Variants in GLRB observed in about 807,000 individuals in gnomAD.
The protein encoded by GLRB is glycine receptor subunit beta.
GLRB carries 33 observed loss-of-function variants against 54.2 expected under a neutral mutation model. The observed-to-expected ratio is 0.61, with a 90% CI of 0.46 to 0.81. GLRB has a LOEUF of 0.81. Ranked by LOEUF, GLRB falls within the 40% of genes least tolerant of loss-of-function variation. The pLI, the probability that GLRB is intolerant of heterozygous loss-of-function variation, is 0.00. For missense variants in GLRB, 572 were observed against 584.6 expected (o/e 0.98, Z 0.22); for synonymous variants, 209 against 208.2 (o/e 1.00, Z -0.03).
chr4:157,110,280 A>G (rs1368133545), intron 2 of GLRB, among the ~76,000 whole-genome samples: 2 of 151,878 alleles, frequency 1.3e-5, no homozygotes, highest in Non-Finnish European at 2.9e-5. Flanking sequence ...AAATATATAT[A>G]TATCTTATTA....
chr4:157,114,330 T>A (rs1037129755), intron 2 of GLRB, among the ~76,000 whole-genome samples: 2 of 149,946 alleles, frequency 1.3e-5, no homozygotes, highest in South Asian at 4.1e-4. Flanking sequence ...TCCTGGTCTC[T>A]CTCTCTCTTT....
At chr4:157,101,957 C>T (rs1186213379) in intron 2 of GLRB, among the ~76,000 whole-genome samples, 1 of 152,054 alleles carries the variant, frequency 6.6e-6, no homozygotes, top group Non-Finnish European at 1.5e-5. Context: ...TGTCATGTGC[C>T]AGATTCTCCT....
chr4:157,146,467 T>C (rs371022559), intron 8 of GLRB, among the ~76,000 whole-genome samples: 55 of 152,200 alleles, frequency 3.6e-4, no homozygotes, highest in Middle Eastern at 3.4e-3. Context: ...TAGGAGACAA[T>C]TGCAATAATT....
At chr4:157,166,057 G>A (rs1231789772) in intron 9 of GLRB, among the ~76,000 whole-genome samples, 1 of 151,954 alleles carries the variant, frequency 6.6e-6, no homozygotes. Context: ...AATTTGTGTG[G>A]AATGAAACTT....
intron 8 of GLRB, among the ~76,000 whole-genome samples, chr4:157,146,326 T>G (rs182013089): frequency 6.6e-6 from 1 of 152,232 alleles, no homozygotes; most frequent in Admixed American, 6.5e-5. Flanking sequence ...ATTTTAGTTT[T>G]TATTCAGCAT....
rs753845776 is a variant in GLRB, at chr4:157,143,769, T to A, written c.752-38T>A. 4 of 1,595,818 alleles carry A rather than the reference T, an allele frequency of 2.5e-6. No individual in the cohort carries two copies. In the East Asian group the frequency reaches 9.0e-5, roughly 36 times the overall value. On this transcript the variant is annotated intron_variant, in intron 7 of 9. Transcript: ENST00000264428. ...ATTGATGTTTGCCATTCTGTGTGGG[T>A]GAAAACCTCATGCCTTGAATGTGTT... is the stretch of plus-strand genomic sequence containing the variant.
At chr4:157,146,031 T>A (rs909110548) in intron 8 of GLRB, among the ~76,000 whole-genome samples, 1 of 151,958 alleles carries the variant, frequency 6.6e-6, no homozygotes, top group African/African-American at 2.4e-5. Flanking sequence ...GAGCTTTTTT[T>A]TTTTTGATGG....
intron 4 of GLRB, among the ~76,000 whole-genome samples, chr4:157,132,740 G>A (rs1328643759): frequency 6.6e-6 from 1 of 151,860 alleles, no homozygotes; most frequent in African/African-American, 2.4e-5. Flanking sequence ...ATGAATAACT[G>A]TTGAATTAAT....
rs78901663 is a variant in GLRB, at chr4:157,147,467, G to C, written c.904+3508G>C. Among the ~76,000 whole-genome samples the C allele has an allele frequency of 3.1e-5, 4 of 130,432 alleles. No individual in the cohort carries two copies. The South Asian group carries it at 8.3e-4, about 27-fold the overall frequency. 85.6% of individuals were successfully genotyped at this position (130,432 alleles called of 152,430 possible). On this transcript the variant is annotated intron_variant, in intron 8 of 9. Transcript: ENST00000264428. ...GGACTGGCTTCAGGAAAGAAGATGAGGGGGGGATTGGAGATATTTAGTATA... is the reference window on the plus strand; with the variant it reads ...GGACTGGCTTCAGGAAAGAAGATGACGGGGGGATTGGAGATATTTAGTATA...
At chr4:157,118,884 G>A (rs1735701616) in intron 2 of GLRB, among the ~76,000 whole-genome samples, 1 of 151,514 alleles carries the variant, frequency 6.6e-6, no homozygotes, top group Admixed American at 6.6e-5. Context: ...GCTGTGCTAG[G>A]TGCTTCAAGT....
intron 2 of GLRB, among the ~76,000 whole-genome samples, chr4:157,109,648 A>G (rs1735345903): frequency 6.6e-6 from 1 of 151,922 alleles, no homozygotes; most frequent in Admixed American, 6.6e-5. Context: ...ACTGCCCCAC[A>G]CTTCAGATGC....
chr4:157,079,197 A>G (rs545095459), intron 2 of GLRB, among the ~76,000 whole-genome samples: 1 of 152,292 alleles, frequency 6.6e-6, no homozygotes, highest in East Asian at 1.9e-4. Context: ...ATAATGCAAT[A>G]TATGCAGTGA....
chr4:157,081,583 A>T, intron 2 of GLRB, among the ~76,000 whole-genome samples: 1 of 152,144 alleles, frequency 6.6e-6, no homozygotes, highest in East Asian at 1.9e-4. Flanking sequence ...ACCTTAGACC[A>T]TCTCTTTCTA....
rs1190713827 is a variant in GLRB, at chr4:157,136,534, T to A, written c.363T>A (p.Asp121Glu). ...ACCCCAGGCTGAAGCTCCCCAGTGA[T>A]TTTAGGGGTTCAGATGCACTGACAG... ...WNDPRLKLPS[D>E]FRGSDALTVD... Residue 121 changes from aspartate (D) to glutamate (E), a missense_variant, in exon 5 of 10, where the codon GAT becomes GAA. Coordinates refer to ENST00000264428, the MANE Select transcript of GLRB (RefSeq NM_000824.5). 1.2e-6 allele frequency: 2 copies of A among 1,612,800 alleles called. No individual in the cohort carries two copies. Among genetic ancestry groups the A allele is most frequent in the Non-Finnish European group, 1.7e-6 (2 of 1,178,880 alleles).
intron 2 of GLRB, among the ~76,000 whole-genome samples, chr4:157,105,110 T>C (rs936403058): frequency 7.2e-5 from 11 of 151,844 alleles, no homozygotes. Context: ...TTTCTAGTTA[T>C]TTGAGGTATT....
intron 2 of GLRB, among the ~76,000 whole-genome samples, chr4:157,090,088 T>C (rs1417134286): frequency 6.6e-6 from 1 of 152,194 alleles, no homozygotes; most frequent in East Asian, 1.9e-4. Context: ...CTGAACCTGA[T>C]CCTGTCCTCT....
At chr4:157,159,735 C>A (rs748630574) in intron 9 of GLRB, among the ~76,000 whole-genome samples, 1 of 152,086 alleles carries the variant, frequency 6.6e-6, no homozygotes, top group Non-Finnish European at 1.5e-5. Flanking sequence ...TTCGGTTTGC[C>A]AGTATTTTAT....
intron 8 of GLRB, among the ~76,000 whole-genome samples, chr4:157,149,753 G>A (rs997546068): frequency 1.3e-5 from 2 of 151,966 alleles, no homozygotes; most frequent in African/African-American, 4.8e-5. Flanking sequence ...ACTTGCAATT[G>A]CTCCTTGACC....
chr4:157,101,488 C>G (rs1387291823), intron 2 of GLRB, among the ~76,000 whole-genome samples: 1 of 152,076 alleles, frequency 6.6e-6, no homozygotes, highest in Non-Finnish European at 1.5e-5. Context: ...AACAGACACG[C>G]AATCTCCCCT....
Sources: gnomAD v4.1 joint callset for allele counts (sites outside exome capture counted in the v4.1 genomes callset) on GRCh38, gnomAD v4.1.1 for gene constraint, MANE v1.5 for transcripts, NCBI Gene and HGNC (gene_info 2026-07-23, HGNC 2026-07-21) for gene names.